Variants in CFAP20DC observed in about 807,000 individuals in gnomAD.
The protein encoded by CFAP20DC is protein CFAP20DC.
Under a neutral mutation model 101.7 loss-of-function variants are expected in CFAP20DC, and 84 were observed. The ratio of observed to expected loss-of-function variants is 0.83; its 90% CI spans 0.69 to 0.99. The LOEUF (loss-of-function observed/expected upper bound fraction) is 0.99. Among genes scored for constraint, CFAP20DC ranks in the 50% least tolerant of loss-of-function variants. CFAP20DC has a pLI of 0.00. For missense variants in CFAP20DC, 1,007 were observed against 970.3 expected (o/e 1.04, Z -0.50); for synonymous variants, 359 against 351.2 (o/e 1.02, Z -0.25).
chr3:58,946,226 C>A (rs909695403), intron 4 of CFAP20DC, among the ~76,000 whole-genome samples: 3 of 150,992 alleles, frequency 2.0e-5, no homozygotes, highest in Admixed American at 6.6e-5. Flanking sequence ...AAGCGATTCT[C>A]GTGTCTCAGT....
At chr3:58,775,105 G>A (rs548846968) in intron 15 of CFAP20DC, among the ~76,000 whole-genome samples, 2 of 152,254 alleles carry the variant, frequency 1.3e-5, no homozygotes, top group Admixed American at 6.5e-5. Context: ...GTCCAAGGTG[G>A]TCGGGGCACA....
chr3:58,980,234 T>C (rs1371633053), intron 4 of CFAP20DC, among the ~76,000 whole-genome samples: 2 of 152,120 alleles, frequency 1.3e-5, no homozygotes, highest in African/African-American at 4.8e-5. Context: ...CCTCCAAACT[T>C]GAAGATAAAG....
intron 13 of CFAP20DC, among the ~76,000 whole-genome samples, chr3:58,834,023 G>A (rs1363836042): frequency 2.0e-5 from 3 of 152,228 alleles, no homozygotes; most frequent in East Asian, 1.9e-4. Context: ...ATAGATTAGC[G>A]GATGGTGGGG....
In CFAP20DC at chr3:58,971,458, C is replaced by A. The variant is rs945772456; in HGVS notation, c.279-33696G>T. Among the ~76,000 whole-genome samples the A allele has an allele frequency of 6.6e-6, 1 of 152,154 alleles. No homozygotes were observed. Among genetic ancestry groups the A allele is most frequent in the Non-Finnish European group, 1.5e-5 (1 of 68,026 alleles). On this transcript the variant is annotated intron_variant, in intron 4 of 16. Coordinates refer to ENST00000482387, the MANE Select transcript of CFAP20DC (RefSeq NM_001394063.1). The surrounding 1 kb of genome is among the most constrained non-coding windows in gnomAD (Gnocchi z 4.1). Reference sequence around the variant, plus strand: ...ATCTTTCTATCCTTCCTCACCTATGCTCTCCAGAATGTATCACTATAATTG... The same window carrying A: ...ATCTTTCTATCCTTCCTCACCTATGATCTCCAGAATGTATCACTATAATTG...
rs986873649 is a variant in CFAP20DC, at chr3:58,863,734, C to G, written c.1417G>C (p.Val473Leu). The G allele has an allele frequency of 3.7e-6, 6 of 1,614,198 alleles. No homozygotes were observed. The highest frequency in any genetic ancestry group is 4.2e-6 in the Non-Finnish European group (5 of 1,180,032). Residue 473 changes from valine (V) to leucine (L), a missense_variant, in exon 12 of 17, where the codon GTT becomes CTT. Val to Leu is a conservative substitution (Grantham distance 32). Coordinates refer to ENST00000482387, the MANE Select transcript of CFAP20DC (RefSeq NM_001394063.1). This position sits in a 1 kb window ranked among gnomAD's most constrained non-coding sequence, Gnocchi z 5.9. The part of the protein sequence containing the change: ...HDQQAEESQS[V>L]PKDIFTFSSR... ...GAAAAAGTGAAAATGTCCTTTGGAA[C>G]ACTCTGGGATTCCTCTGCCTGCTGG...
chr3:58,943,156 G>A (rs1360738695), intron 4 of CFAP20DC, among the ~76,000 whole-genome samples: 2 of 152,208 alleles, frequency 1.3e-5, no homozygotes, highest in African/African-American at 4.8e-5. Flanking sequence ...AGCTTCAGCA[G>A]ACTTAAATGT....
intron 5 of CFAP20DC, among the ~76,000 whole-genome samples, chr3:58,926,841 T>A (rs2086040652): frequency 6.6e-6 from 1 of 152,332 alleles, no homozygotes; most frequent in Non-Finnish European, 1.5e-5. Flanking sequence ...GCATTGTAAT[T>A]TATCATATCA....
intron 12 of CFAP20DC, among the ~76,000 whole-genome samples, chr3:58,852,789 G>A (rs1324905727): frequency 1.3e-5 from 2 of 151,200 alleles, no homozygotes; most frequent in Non-Finnish European, 2.9e-5. Flanking sequence ...AAACCAACGA[G>A]AACAAAGACA....
At chr3:58,950,709 T>C (rs188942478) in intron 4 of CFAP20DC, among the ~76,000 whole-genome samples, 195 of 152,334 alleles carry the variant, frequency 1.3e-3, no homozygotes, top group Non-Finnish European at 1.9e-3. Flanking sequence ...GCTAGCCATA[T>C]GTAGAAAGCT....
At chr3:59,004,935 T>C (rs2093401645) in intron 4 of CFAP20DC, among the ~76,000 whole-genome samples, 1 of 152,216 alleles carries the variant, frequency 6.6e-6, no homozygotes, top group Non-Finnish European at 1.5e-5. Context: ...ACTACCTATG[T>C]AACCAATCCC....
At chr3:58,767,026 T>C (rs1486949710) in intron 15 of CFAP20DC, among the ~76,000 whole-genome samples, 2 of 152,198 alleles carry the variant, frequency 1.3e-5, no homozygotes, top group Non-Finnish European at 2.9e-5. Context: ...CCTCGTTTGT[T>C]TGATCATTTG....
Position 58,828,392 on chromosome 3 carries a change from A to G in CFAP20DC, c.2175+3294T>C, listed in dbSNP as rs73078049. The stretch of plus-strand genomic sequence containing the variant: ...CTGAGGCTCCTAACCACCAGGTTAC[A>G]GTGCTTTGACTGGAGGCACAGAGAT... On this transcript the variant is annotated intron_variant, in intron 14 of 16. Coordinates refer to ENST00000482387, the MANE Select transcript of CFAP20DC (RefSeq NM_001394063.1). Among the ~76,000 whole-genome samples the G allele has an allele frequency of 6.7e-3, 1,016 of 152,326 alleles. 8 individuals carry two copies. The highest frequency in any genetic ancestry group is 0.011 in the Non-Finnish European group (732 of 68,026).
chr3:58,908,437 C>A (rs2083817915), intron 6 of CFAP20DC, among the ~76,000 whole-genome samples: 1 of 152,100 alleles, frequency 6.6e-6, no homozygotes, highest in Admixed American at 6.6e-5. Context: ...TTACTAAGAT[C>A]ATACTAAAAA....
rs1184629568 is a variant in CFAP20DC at position 58,913,474 on chromosome 3, T to C, written c.550+234A>G. ...CTAAGACAGATAGCAAGTGTTACCA[T>C]AAAGAAAAAAGAAAACAACCACAAA... On this transcript the variant is annotated intron_variant, in intron 6 of 16. Coordinates refer to ENST00000482387, the MANE Select transcript of CFAP20DC (RefSeq NM_001394063.1). The surrounding 1 kb of genome is among the most constrained non-coding windows in gnomAD (Gnocchi z 4.4). The C allele has an allele frequency of 2.2e-5, 13 of 603,674 alleles. No individual in the cohort carries two copies. Among genetic ancestry groups the C allele is most frequent in the Middle Eastern group, 4.3e-4 (1 of 2,300 alleles). The allele number at this position is 603,674 out of a possible 1,614,324, so 37.4% of individuals were successfully genotyped here.
chr3:58,928,577 T>G (rs763495053), intron 5 of CFAP20DC, among the ~76,000 whole-genome samples: 21 of 152,188 alleles, frequency 1.4e-4, no homozygotes, highest in Non-Finnish European at 2.6e-4. Flanking sequence ...TCTACGTTCT[T>G]AACCCCTACA....
At chr3:58,931,536 A>G (rs549582925) in intron 5 of CFAP20DC, among the ~76,000 whole-genome samples, 7 of 152,318 alleles carry the variant, frequency 4.6e-5, no homozygotes, top group Non-Finnish European at 1.0e-4. Context: ...GTAGGGGCAG[A>G]CTGACACTTC....
intron 15 of CFAP20DC, among the ~76,000 whole-genome samples, chr3:58,770,991 G>A (rs2070787003): frequency 6.6e-6 from 1 of 152,114 alleles, no homozygotes; most frequent in African/African-American, 2.4e-5. Flanking sequence ...GCAAAGACTT[G>A]GAACCAACCC....
intron 6 of CFAP20DC, among the ~76,000 whole-genome samples, chr3:58,906,762 A>G (rs2107254544): frequency 6.6e-6 from 1 of 152,100 alleles, no homozygotes; most frequent in East Asian, 1.9e-4. Context: ...CCCTGCCTCT[A>G]CTCAAAATAG....
chr3:58,933,812 G>A (rs906581007), intron 5 of CFAP20DC, among the ~76,000 whole-genome samples: 8 of 152,058 alleles, frequency 5.3e-5, no homozygotes, highest in African/African-American at 1.7e-4. Flanking sequence ...TGCCCAAAAA[G>A]AAAGCAGGAA....
Sources: gnomAD v4.1 joint callset for allele counts (sites outside exome capture counted in the v4.1 genomes callset) on GRCh38, gnomAD v4.1.1 for gene constraint, Gnocchi (gnomAD v3.1) non-coding constraint, MANE v1.5 for transcripts, NCBI Gene and HGNC (gene_info 2026-07-23, HGNC 2026-07-21) for gene names.